The following VRK1 variants were observed in gnomAD, a reference collection of about 807,000 sequenced individuals.
VRK1 encodes VRK serine/threonine kinase 1, also known as serine/threonine-protein kinase VRK1.
Under a neutral mutation model 57.1 loss-of-function variants are expected in VRK1, and 33 were observed. The observed-to-expected ratio is 0.58, with a 90% CI of 0.44 to 0.77. VRK1 has a LOEUF of 0.77. VRK1 is among the 30% of genes least tolerant of loss of function. VRK1 has a pLI of 0.00. For missense variants in VRK1, 413 were observed against 477.3 expected (o/e 0.87, Z 1.25); for synonymous variants, 137 against 147.8 (o/e 0.93, Z 0.53).
At chr14:96,801,273 G>A (rs1308404191) in intron 1 of VRK1, among the ~76,000 whole-genome samples, 30 of 152,072 alleles carry the variant, frequency 2.0e-4, no homozygotes. Flanking sequence ...TTTATTTCAG[G>A]TTAATTGCTT....
chr14:96,822,093 T>C (rs1245994996), intron 1 of VRK1, among the ~76,000 whole-genome samples: 1 of 144,344 alleles, frequency 6.9e-6, no homozygotes, highest in Non-Finnish European at 1.5e-5. Flanking sequence ...TTTTTTTTTT[T>C]CCTTAGCCCT....
intron 3 of VRK1, among the ~76,000 whole-genome samples, chr14:96,844,827 A>G (rs142182140): frequency 3.3e-5 from 5 of 152,320 alleles, no homozygotes; most frequent in Admixed American, 6.5e-5. Flanking sequence ...CAGGACAGGC[A>G]TGAGCCACTA....
chr14:96,842,419 C>T (rs568909144), intron 3 of VRK1, among the ~76,000 whole-genome samples: 31 of 152,148 alleles, frequency 2.0e-4, no homozygotes, highest in Non-Finnish European at 3.7e-4. Context: ...TATTAAAGAT[C>T]GTGTTTTCAA....
At chr14:96,807,467 T>A (rs1309900384) in intron 1 of VRK1, among the ~76,000 whole-genome samples, 1 of 152,218 alleles carries the variant, frequency 6.6e-6, no homozygotes, top group Non-Finnish European at 1.5e-5. Context: ...TTTAAAAAAA[T>A]TTCATTTTAA....
At chr14:96,805,135 CAG>C (rs1423946073) in intron 1 of VRK1, among the ~76,000 whole-genome samples, 51 of 152,092 alleles carry the variant, frequency 3.4e-4, no homozygotes, top group Admixed American at 3.0e-3. Flanking sequence ...AGAGGAGACT[CAG>C]GGGTTATTTA....
rs149250994 is a variant in VRK1, at chr14:96,808,002, C to CCTCTCTCCATCTCTCTCTCT, written c.-6+10562_-6+10563insCATCTCTCTCTCTCTCTCTC. ...GTCTCTCTCCCTCTCTCCCTCTCTC[C>CCTCTCTCCATCTCTCTCTCT]CTCTCTCTCTCCCTCTGTGTGTGTG... On this transcript the variant is annotated intron_variant, in intron 1 of 12. Coordinates refer to ENST00000216639, the MANE Select transcript of VRK1 (RefSeq NM_003384.3). Among the ~76,000 whole-genome samples, 4 of 118,140 alleles carry CCTCTCTCCATCTCTCTCTCT rather than the reference C, an allele frequency of 3.4e-5. 1 individual carries two copies. Among genetic ancestry groups the CCTCTCTCCATCTCTCTCTCT allele is most frequent in the African/African-American group, 1.4e-4 (4 of 27,968 alleles). The allele number at this position is 118,140 out of a possible 152,430, so 77.5% of individuals were successfully genotyped here.
Position 96,876,115 on chromosome 14 carries a change from A to T in VRK1, c.1154A>T (p.Gln385Leu), listed in dbSNP as rs763520604. The T allele has an allele frequency of 1.9e-6, 3 of 1,613,584 alleles. No homozygotes were observed. The South Asian group carries it at 3.3e-5, about 18-fold the overall frequency. ...WSNTQTEEAI[Q>L]TRSRTRKRVQ... Reference sequence around the variant, plus strand: ...AACACACAGACAGAGGAGGCCATACAGACCCGTAAGTTGAACAGTTTTGCC... The same window carrying T: ...AACACACAGACAGAGGAGGCCATACTGACCCGTAAGTTGAACAGTTTTGCC... Residue 385 changes from glutamine (Q) to leucine (L), a missense_variant, in exon 12 of 13, where the codon CAG (glutamine) becomes CTG (leucine). Around this residue, in one of 3 missense-constraint regions of VRK1, gnomAD observed 146 missense variants for 138.2 expected, o/e 1.06. Coordinates refer to ENST00000216639, the MANE Select transcript of VRK1 (RefSeq NM_003384.3).
At chr14:96,868,790 G>A (rs1888686769) in intron 11 of VRK1, among the ~76,000 whole-genome samples, 1 of 144,958 alleles carries the variant, frequency 6.9e-6, no homozygotes, top group African/African-American at 2.6e-5. Context: ...GAAATGTTAA[G>A]CATTTCTGTG....
intron 11 of VRK1, among the ~76,000 whole-genome samples, chr14:96,873,033 A>T (rs998855882): frequency 2.0e-5 from 3 of 152,202 alleles, no homozygotes; most frequent in African/African-American, 7.2e-5. Flanking sequence ...AAGTTTCTAA[A>T]GTAGACATGT....
chr14:96,874,893 C>G (rs1395369574), intron 11 of VRK1, among the ~76,000 whole-genome samples: 1 of 152,190 alleles, frequency 6.6e-6, no homozygotes, highest in African/African-American at 2.4e-5. Context: ...ATCCTCTTTT[C>G]TAGCTGTACA....
At chr14:96,867,456 A>AGT (rs34415863) in intron 11 of VRK1, among the ~76,000 whole-genome samples, 16,003 of 148,362 alleles carry the variant, frequency 0.11, 1,879 homozygotes, top group East Asian at 0.66. Context: ...TCTGTGCACA[A>AGT]GTGTGTGTGT....
At chr14:96,861,323 T>C (rs1489777669) in intron 11 of VRK1, among the ~76,000 whole-genome samples, 2 of 152,326 alleles carry the variant, frequency 1.3e-5, no homozygotes, top group Admixed American at 1.3e-4. Flanking sequence ...GGCATCACTT[T>C]AGATTTTACA....
At chr14:96,824,081 C>A (rs1886709893) in intron 1 of VRK1, among the ~76,000 whole-genome samples, 1 of 152,092 alleles carries the variant, frequency 6.6e-6, no homozygotes, top group Non-Finnish European at 1.5e-5. Flanking sequence ...AAATAAATGT[C>A]CTGAATTTCC....
intron 1 of VRK1, among the ~76,000 whole-genome samples, chr14:96,797,790 C>T (rs1174756992): frequency 6.6e-6 from 1 of 152,374 alleles, no homozygotes; most frequent in South Asian, 2.1e-4. Flanking sequence ...CACCGGGAAG[C>T]CGGTTCTGTC....
At position 96,845,990 on chromosome 14, in the gene VRK1, T is replaced by C. The variant is rs1887669817; in HGVS notation, c.217-105T>C. The stretch of plus-strand genomic sequence containing the variant: ...CAGTTATAAACTTAAGTATCAAAAT[T>C]ACATTGGACAGAAAAATAGATTTGT... On this transcript the variant is annotated intron_variant, in intron 3 of 12. Coordinates refer to ENST00000216639, the MANE Select transcript of VRK1 (RefSeq NM_003384.3). The C allele has an allele frequency of 1.3e-5, 14 of 1,050,232 alleles. No individual in the cohort carries two copies. In the East Asian group the frequency reaches 3.4e-4, roughly 25 times the overall value. The allele number at this position is 1,050,232 out of a possible 1,614,324, so 65.1% of individuals were successfully genotyped here.
At chr14:96,844,829 G>C (rs1887613665) in intron 3 of VRK1, among the ~76,000 whole-genome samples, 2 of 152,198 alleles carry the variant, frequency 1.3e-5, no homozygotes, top group Admixed American at 1.3e-4. Flanking sequence ...GGACAGGCAT[G>C]AGCCACTATG....
rs1889247891 is a variant in VRK1 at position 96,881,241 on chromosome 14, T to C, written c.*33T>C. 6.3e-7 allele frequency: 1 copy of C among 1,574,920 alleles called. No homozygotes were observed. The highest frequency in any genetic ancestry group is 1.9e-4 in the Middle Eastern group (1 of 5,274). ...GCTGTGAACCAGATTTCCTTTTCTT[T>C]GTTTTCTTTTGACTTTTTTCTCCTT... On this transcript the variant is annotated 3_prime_UTR_variant, in exon 13 of 13. Transcript: ENST00000216639.
chr14:96,812,402 C>T (rs1452734427), intron 1 of VRK1, among the ~76,000 whole-genome samples: 2 of 152,152 alleles, frequency 1.3e-5, no homozygotes, highest in African/African-American at 4.8e-5. Context: ...TCTCTAGATC[C>T]TACCAAAACT....
chr14:96,866,802 G>A (rs138122327), intron 11 of VRK1, among the ~76,000 whole-genome samples: 99 of 152,270 alleles, frequency 6.5e-4, no homozygotes, highest in African/African-American at 2.3e-3. Context: ...AGGTTATGCT[G>A]CAAAGCTATG....
Sources: allele counts gnomAD v4.1 joint callset (sites outside exome capture counted in the v4.1 genomes callset), GRCh38; gene constraint gnomAD v4.1.1; regional missense constraint gnomAD v4.1.1; transcripts MANE v1.5; gene names NCBI Gene and HGNC (gene_info 2026-07-23, HGNC 2026-07-21).